Variants in PHYH observed in about 807,000 individuals in gnomAD.
PHYH encodes phytanoyl-CoA dioxygenase, peroxisomal.
Under a neutral mutation model 38.5 loss-of-function variants are expected in PHYH, and 32 were observed. The observed-to-expected ratio is 0.83, with a 90% CI of 0.63 to 1.12. PHYH has a LOEUF of 1.12. Among genes scored for constraint, PHYH ranks in the 50% most tolerant of loss-of-function variants. The pLI is 0.00. For synonymous variants in PHYH, 166 were observed against 157.9 expected (o/e 1.05, Z -0.38); for missense variants, 426 against 434.8 (o/e 0.98, Z 0.18).
intron 7 of PHYH, among the ~76,000 whole-genome samples, chr10:13,283,164 T>C: frequency 7.6e-6 from 1 of 132,212 alleles, no homozygotes; most frequent in Admixed American, 8.4e-5. Context: ...GGAGTCTCGC[T>C]GTCGCCCAGG....
intron 4 of PHYH, among the ~76,000 whole-genome samples, chr10:13,293,591 C>G (rs80049527): frequency 6.6e-6 from 1 of 152,154 alleles, no homozygotes; most frequent in East Asian, 1.9e-4. Flanking sequence ...TGAGCCACCG[C>G]GCCCGGCAGT....
intron 8 of PHYH, among the ~76,000 whole-genome samples, 180 bp downstream of exon 8, chr10:13,280,796 G>A (rs1835392167): frequency 6.6e-6 from 1 of 152,154 alleles, no homozygotes; most frequent in Non-Finnish European, 1.5e-5. Context: ...CCTCCTGCAC[G>A]GGGGCACAAG....
intron 7 of PHYH, among the ~76,000 whole-genome samples, chr10:13,283,427 C>T (rs551579203): frequency 5.3e-4 from 80 of 152,138 alleles, no homozygotes; most frequent in Admixed American, 9.8e-4. Flanking sequence ...CCGCGCCCGG[C>T]CCATAATCAA....
chr10:13,294,242 T>C (rs1187558069), intron 4 of PHYH, among the ~76,000 whole-genome samples, 186 bp downstream of exon 4: 5 of 152,080 alleles, frequency 3.3e-5, no homozygotes, highest in Non-Finnish European at 5.9e-5. Context: ...TTTTACTCAA[T>C]TCAACTCCTT....
Position 13,281,570 on chromosome 10 carries a change from T to C in PHYH, c.829-460A>G, listed in dbSNP as rs530761118. On this transcript the variant is annotated intron_variant, in intron 7 of 8. Coordinates refer to ENST00000263038, the MANE Select transcript of PHYH (RefSeq NM_006214.4). ...GAAAAGAACTAAAAATACCTTGAGA[T>C]AGAAAATAATGCAGACACCTTCTCT... Among the ~76,000 whole-genome samples the C allele has an allele frequency of 7.2e-5, 11 of 152,262 alleles. No homozygotes were observed. In the East Asian group the frequency reaches 2.1e-3, roughly 29 times the overall value.
At chr10:13,298,970 C>T (rs11258315) in intron 1 of PHYH, among the ~76,000 whole-genome samples, 1 of 143,756 alleles carries the variant, frequency 7.0e-6, no homozygotes, top group African/African-American at 2.5e-5. Context: ...ATAATAACAA[C>T]AATAACAACA....
In PHYH at chr10:13,281,045, T is replaced by G; in HGVS notation, c.894A>C (p.Glu298Asp). Reference sequence around the variant, plus strand: ...TTCCTACAACTTCCTTCTCGATGTTTTCTTGACTGGTGCCCTTCACGTCAA... The same window carrying G: ...TTCCTACAACTTCCTTCTCGATGTTGTCTTGACTGGTGCCCTTCACGTCAA... ...HYIDVKGTSQ[E>D]NIEKEVVGIA... is the part of the protein sequence containing the mutation. Residue 298 changes from glutamate to aspartate, a missense_variant, in exon 8 of 9, where the codon GAA becomes GAC. By Grantham distance (45) the Glu-to-Asp change is conservative. Coordinates refer to ENST00000263038, the MANE Select transcript of PHYH (RefSeq NM_006214.4). 1 of 1,614,182 alleles carries G rather than the reference T, an allele frequency of 6.2e-7. No individual in the cohort carries two copies. Among genetic ancestry groups the G allele is most frequent in the Non-Finnish European group, 8.5e-7 (1 of 1,179,982 alleles).
chr10:13,298,442 T>G (rs1430839076), intron 1 of PHYH, among the ~76,000 whole-genome samples, 197 bp from the exon 2 acceptor site: 1 of 152,052 alleles, frequency 6.6e-6, no homozygotes, highest in Non-Finnish European at 1.5e-5. Flanking sequence ...GGCTCACGTT[T>G]GTAATCCTAG....
At chr10:13,287,962 C>T (rs1835595583) in intron 6 of PHYH, among the ~76,000 whole-genome samples, 1 of 152,214 alleles carries the variant, frequency 6.6e-6, no homozygotes, top group East Asian at 1.9e-4. Context: ...AACAGATCAC[C>T]TGAGGTCAGG....
intron 5 of PHYH, among the ~76,000 whole-genome samples, chr10:13,290,450 G>A (rs986250241): frequency 6.6e-6 from 1 of 152,046 alleles, no homozygotes; most frequent in African/African-American, 2.4e-5. Flanking sequence ...CCTCAAGGAG[G>A]GAGAGACCTG....
chr10:13,286,441 C>A (rs771061818), intron 6 of PHYH, among the ~76,000 whole-genome samples: 8 of 152,018 alleles, frequency 5.3e-5, no homozygotes. Flanking sequence ...GTTGGCCAGG[C>A]GCGGTGAGCC....
At chr10:13,287,191 T>C (rs1835573121) in intron 6 of PHYH, among the ~76,000 whole-genome samples, 1 of 151,796 alleles carries the variant, frequency 6.6e-6, no homozygotes, top group South Asian at 2.1e-4. Context: ...ATACAAAAAT[T>C]AGCTGGGTGT....
intron 7 of PHYH, among the ~76,000 whole-genome samples, chr10:13,283,138 T>TTTTTTC (rs1554782589): frequency 1.4e-5 from 2 of 145,492 alleles, no homozygotes; most frequent in East Asian, 4.0e-4. Flanking sequence ...TCAATTTTTT[T>TTTTTTC]TTTTTTTTTT....
In PHYH at chr10:13,294,423, CT is replaced by C. The variant is rs1485799711; in HGVS notation, c.414+4del. Reference sequence around the variant, plus strand: ...AGCCGACGCAAAGCAAGGGTGGTCTCTGACCTCGGGGAGAGTGCAGTATCTG... The same window carrying C: ...AGCCGACGCAAAGCAAGGGTGGTCTCGACCTCGGGGAGAGTGCAGTATCTG... On this transcript the variant is annotated splice_donor_region_variant and intron_variant, in intron 4 of 8. Coordinates refer to ENST00000263038, the MANE Select transcript of PHYH (RefSeq NM_006214.4). 2.5e-6 allele frequency: 4 copies of C among 1,613,768 alleles called. No individual in the cohort carries two copies. Among genetic ancestry groups the C allele is most frequent in the Non-Finnish European group, 3.4e-6 (4 of 1,179,932 alleles).
At chr10:13,298,150 CATAAT>C (rs773721298) in intron 2 of PHYH, 32 bp downstream of exon 2, 2 of 1,317,132 alleles carry the variant, frequency 1.5e-6, no homozygotes, top group South Asian at 1.2e-5. Context: ...CTTTTATATA[CATAAT>C]ATATTTCAAA....
chr10:13,291,815 T>C lies in PHYH; in HGVS notation c.496+16A>G. The C allele has an allele frequency of 1.3e-6, 2 of 1,567,196 alleles. No homozygotes were observed. Among genetic ancestry groups the C allele is most frequent in the Non-Finnish European group, 1.8e-6 (2 of 1,138,524 alleles). ...TTTTAATGAAACCATTTTTTTTTCT[T>C]CTCCCTTACAATTACCAGAATCTGG... On this transcript the variant is annotated intron_variant, in intron 5 of 8. Transcript: ENST00000263038.
At chr10:13,278,798 C>G (rs72781349) in intron 8 of PHYH, among the ~76,000 whole-genome samples, 5,627 of 152,246 alleles carry the variant, frequency 0.037, 148 homozygotes, top group Admixed American at 0.056. Context: ...GCAAAGCCTC[C>G]CAAGTGCTGG....
At chr10:13,295,112 C>T in intron 3 of PHYH, 1 of 279,312 alleles carries the variant, frequency 3.6e-6, no homozygotes, top group Non-Finnish European at 6.9e-6. Context: ...AGGGTGAGGC[C>T]AGGAGTTCAA....
At chr10:13,292,857 C>T (rs775503226) in intron 4 of PHYH, among the ~76,000 whole-genome samples, 37 of 150,644 alleles carry the variant, frequency 2.5e-4, no homozygotes, top group Non-Finnish European at 4.9e-4. Context: ...CACTTGAACC[C>T]AGGAGGCAGA....
Sources: allele counts gnomAD v4.1 joint callset (sites outside exome capture counted in the v4.1 genomes callset), GRCh38; gene constraint gnomAD v4.1.1; transcripts MANE v1.5; gene names NCBI Gene and HGNC (gene_info 2026-07-23, HGNC 2026-07-21).